USP34: variants seen among roughly 807,000 people sequenced by gnomAD.
USP34 encodes the protein ubiquitin carboxyl-terminal hydrolase 34.
Under a neutral mutation model 460.3 loss-of-function variants are expected in USP34, and 70 were observed. The observed-to-expected ratio is 0.15, with a 90% CI of 0.13 to 0.19. USP34 has a LOEUF of 0.19. Ranked by LOEUF, USP34 falls within the 10% of genes least tolerant of loss-of-function variation. The pLI is 1.00. For synonymous variants in USP34, 1,647 were observed against 1,405.3 expected (o/e 1.17, Z -3.85); for missense variants, 3,985 against 4,236.2 (o/e 0.94, Z 1.65).
chr2:61,352,133 G>A (rs1691959147), intron 10 of USP34, among the ~76,000 whole-genome samples: 1 of 152,078 alleles, frequency 6.6e-6, no homozygotes, highest in South Asian at 2.1e-4. Context: ...GTTCCAATGA[G>A]TACTTCTTTG....
At chr2:61,395,266 G>A (rs1382117946) in intron 3 of USP34, 33 bp from the exon 4 acceptor site, 2 of 1,220,788 alleles carry the variant, frequency 1.6e-6, no homozygotes, top group Non-Finnish European at 2.3e-6. Flanking sequence ...GTAAAATTAG[G>A]TTACAACTAC....
At chr2:61,446,793 A>G (rs1695131574) in intron 1 of USP34, among the ~76,000 whole-genome samples, 2 of 86,292 alleles carry the variant, frequency 2.3e-5, no homozygotes, top group South Asian at 7.7e-4. Context: ...AAGACTCCAC[A>G]TCAAAAAAAA....
At chr2:61,343,742 C>T (rs1238766348) in intron 16 of USP34, 73 bp downstream of exon 16, 3 of 1,469,660 alleles carry the variant, frequency 2.0e-6, no homozygotes, top group Non-Finnish European at 2.8e-6. Context: ...ACTATTGAGT[C>T]CTTTCAACAA....
At chr2:61,194,371 G>C (rs1008536601) in intron 75 of USP34, among the ~76,000 whole-genome samples, 5 of 152,362 alleles carry the variant, frequency 3.3e-5, no homozygotes, top group African/African-American at 1.2e-4. Context: ...ATAGGGAAGA[G>C]AGTTCCTACG....
intron 22 of USP34, among the ~76,000 whole-genome samples, chr2:61,318,615 G>A (rs1402195807): frequency 6.6e-6 from 1 of 152,036 alleles, no homozygotes; most frequent in African/African-American, 2.4e-5. Context: ...AATTCAATTG[G>A]GAATAGTTCA....
At chr2:61,447,706 G>C (rs769090463) in intron 1 of USP34, among the ~76,000 whole-genome samples, 2 of 151,752 alleles carry the variant, frequency 1.3e-5, no homozygotes, top group Non-Finnish European at 2.9e-5. Context: ...TTTTAGTTTT[G>C]GGTTTTTTCT....
At chr2:61,468,460 G>A (rs1048395958) in intron 1 of USP34, among the ~76,000 whole-genome samples, 3 of 152,248 alleles carry the variant, frequency 2.0e-5, no homozygotes, top group Non-Finnish European at 2.9e-5. Context: ...TGGGATTACA[G>A]GCGTGAGCCA....
At chr2:61,297,742 A>C (rs1043177154) in intron 29 of USP34, among the ~76,000 whole-genome samples, 2 of 152,180 alleles carry the variant, frequency 1.3e-5, no homozygotes, top group African/African-American at 4.8e-5. Context: ...GTGGCAAGAA[A>C]ATCTTTATTT....
At chr2:61,382,297 A>T (rs1692997506) in intron 6 of USP34, among the ~76,000 whole-genome samples, 1 of 152,216 alleles carries the variant, frequency 6.6e-6, no homozygotes, top group African/African-American at 2.4e-5. Flanking sequence ...GGTCCTGAAT[A>T]ATCTGCCCCT....
intron 68 of USP34, among the ~76,000 whole-genome samples, chr2:61,213,039 T>C (rs1266000444): frequency 3.3e-5 from 5 of 152,328 alleles, no homozygotes; most frequent in African/African-American, 1.2e-4. Flanking sequence ...TCTGATTTTT[T>C]CTTTTGAGAC....
intron 75 of USP34, among the ~76,000 whole-genome samples, chr2:61,199,689 GTCA>G (rs775450158): frequency 1.2e-4 from 18 of 152,192 alleles, no homozygotes; most frequent in Non-Finnish European, 2.2e-4. Flanking sequence ...AATTTGGGAT[GTCA>G]TCTTTATCAT....
chr2:61,245,452 T>C (rs978757615), intron 50 of USP34, among the ~76,000 whole-genome samples, 164 bp from the exon 51 acceptor site: 1 of 151,704 alleles, frequency 6.6e-6, no homozygotes, highest in Non-Finnish European at 1.5e-5. Context: ...ATTGGAAATA[T>C]AATTTTATAA....
chr2:61,322,452 T>C (rs555188962), intron 21 of USP34, among the ~76,000 whole-genome samples: 13 of 149,154 alleles, frequency 8.7e-5, no homozygotes, highest in African/African-American at 2.6e-4. Context: ...GAAGGCATTA[T>C]AGGCAATCAC....
chr2:61,365,901 C>A (rs1313129373), intron 10 of USP34, among the ~76,000 whole-genome samples: 1 of 151,952 alleles, frequency 6.6e-6, no homozygotes, highest in Non-Finnish European at 1.5e-5. Context: ...CCATCAGACA[C>A]AAAACTTACA....
Position 61,262,130 on chromosome 2 carries a change from T to TAGATAGATAG in USP34, c.5779-2355_5779-2354insCTATCTATCT, listed in dbSNP as rs1553359528. ...AAAAAAAAAAAAATATATATATATA[T>TAGATAGATAG]ATAGATAGATAGATAGATAGATAGA... On this transcript the variant is annotated intron_variant, in intron 43 of 79. Transcript: ENST00000398571. 7.1e-3 allele frequency among the ~76,000 whole-genome samples: 811 copies of TAGATAGATAG among 113,596 alleles called. 12 individuals carry two copies. The highest frequency in any genetic ancestry group is 0.017 in the East Asian group (60 of 3,468). The allele number at this position is 113,596 out of a possible 152,430, so 74.5% of individuals were successfully genotyped here.
intron 43 of USP34, among the ~76,000 whole-genome samples, chr2:61,260,381 T>TC (rs1688843471): frequency 3.3e-5 from 5 of 152,180 alleles, no homozygotes; most frequent in Admixed American, 3.3e-4. Context: ...TTACACATAT[T>TC]CCACCTCACT....
At chr2:61,391,088 C>T (rs1693331190) in intron 5 of USP34, among the ~76,000 whole-genome samples, 1 of 149,260 alleles carries the variant, frequency 6.7e-6, no homozygotes, top group African/African-American at 2.5e-5. Context: ...AGCGAGACTC[C>T]AGCTCAAAAA....
chr2:61,233,259 C>G (rs1205230309), intron 57 of USP34, among the ~76,000 whole-genome samples: 2 of 151,978 alleles, frequency 1.3e-5, no homozygotes, highest in African/African-American at 4.8e-5. Context: ...ATCTATCGAA[C>G]AGCCATGAGA....
intron 51 of USP34, among the ~76,000 whole-genome samples, chr2:61,244,549 AG>A (rs1195750894): frequency 2.0e-5 from 3 of 149,272 alleles, no homozygotes; most frequent in Non-Finnish European, 4.4e-5. Context: ...CAGGAGGTGG[AG>A]GTTGCAGTGA....
Sources: gnomAD v4.1 joint callset for allele counts (sites outside exome capture counted in the v4.1 genomes callset) on GRCh38, gnomAD v4.1.1 for gene constraint, MANE v1.5 for transcripts, NCBI Gene and HGNC (gene_info 2026-07-23, HGNC 2026-07-21) for gene names.